Variants in DYNLRB1 observed in about 807,000 individuals in gnomAD.
The protein encoded by DYNLRB1 is ROBL/LC7-like 1.
In DYNLRB1, 6 loss-of-function variants were observed where a neutral mutation model predicts 13.5. The ratio of observed to expected loss-of-function variants is 0.44; its 90% CI spans 0.24 to 0.88. The LOEUF is 0.88. DYNLRB1 is among the 40% of genes least tolerant of loss of function. DYNLRB1 has a pLI of 0.21. For missense variants in DYNLRB1, 93 were observed against 127.2 expected (o/e 0.73, Z 1.29); for synonymous variants, 43 against 45.0 (o/e 0.96, Z 0.18).
At chr20:34,539,456 G>T (rs1025222183) in intron 3 of DYNLRB1, among the ~76,000 whole-genome samples, 1 of 152,146 alleles carries the variant, frequency 6.6e-6, no homozygotes, top group Non-Finnish European at 1.5e-5. Context: ...GAGACAGGAG[G>T]ATCACTCGAG....
intron 3 of DYNLRB1, chr20:34,535,475 C>T (rs1390937745): frequency 3.9e-6 from 3 of 778,546 alleles, no homozygotes; most frequent in Non-Finnish European, 4.7e-6. Context: ...AGGAGATGCT[C>T]ATTCTGGGAG....
intron 1 of DYNLRB1, among the ~76,000 whole-genome samples, chr20:34,517,755 A>G (rs2146609472): frequency 6.6e-6 from 1 of 151,206 alleles, no homozygotes; most frequent in East Asian, 2.0e-4. Flanking sequence ...CAGCCTCCCG[A>G]GTAGCTGGGA....
At chr20:34,535,549 G>A (rs966404860) in intron 3 of DYNLRB1, 13 of 838,998 alleles carry the variant, frequency 1.5e-5, no homozygotes, top group African/African-American at 5.5e-5. Context: ...CGGCTCCCTC[G>A]CTCTCACTCA....
At chr20:34,520,439 C>G (rs929512343) in intron 1 of DYNLRB1, among the ~76,000 whole-genome samples, 2 of 152,066 alleles carry the variant, frequency 1.3e-5, no homozygotes, top group Non-Finnish European at 2.9e-5. Context: ...GGGTTGCTCC[C>G]ATTTCTTTTT....
chr20:34,525,453 G>A (rs1419942402), intron 1 of DYNLRB1, among the ~76,000 whole-genome samples: 1 of 152,208 alleles, frequency 6.6e-6, no homozygotes, highest in Non-Finnish European at 1.5e-5. Flanking sequence ...GATTTGGGGA[G>A]TCACACGTAG....
chr20:34,526,279 G>A lies in DYNLRB1; in HGVS notation c.15G>A (p.Glu5=). MAEV[E]ETLKRLQSQK... is the part of the protein sequence containing the mutation. ...TTGTTTTCTGGCAGGCAGAGGTGGAGGAGACACTGAAGCGACTGCAGAGCC... is the reference window on the plus strand; with the variant it reads ...TTGTTTTCTGGCAGGCAGAGGTGGAAGAGACACTGAAGCGACTGCAGAGCC... Residue 5 remains glutamate, a synonymous_variant, in exon 2 of 4, where the codon GAG becomes GAA. Transcript: ENST00000357156. 5.6e-6 allele frequency: 9 copies of A among 1,614,198 alleles called. No individual in the cohort carries two copies. The highest frequency in any genetic ancestry group is 7.6e-6 in the Non-Finnish European group (9 of 1,180,038).
intron 1 of DYNLRB1, chr20:34,516,951 C>T: frequency 7.4e-7 from 1 of 1,355,752 alleles, no homozygotes; most frequent in African/African-American, 1.5e-5. Context: ...GTGCTTTGCC[C>T]CAGGAAATAG....
intron 2 of DYNLRB1, among the ~76,000 whole-genome samples, chr20:34,529,239 G>A (rs1013789011): frequency 2.6e-5 from 4 of 152,188 alleles, no homozygotes; most frequent in African/African-American, 7.2e-5. Flanking sequence ...GGCCATGCCC[G>A]GTTGCGGGGC....
At chr20:34,527,587 G>A (rs945930339) in intron 2 of DYNLRB1, among the ~76,000 whole-genome samples, 3 of 152,114 alleles carry the variant, frequency 2.0e-5, no homozygotes, top group Admixed American at 6.5e-5. Context: ...GAAATCACCC[G>A]GGGGTCCTGT....
intron 1 of DYNLRB1, among the ~76,000 whole-genome samples, chr20:34,517,431 GTAA>G (rs1979331817): frequency 6.6e-6 from 1 of 151,954 alleles, no homozygotes; most frequent in Non-Finnish European, 1.5e-5. Flanking sequence ...TTACAAACAT[GTAA>G]TAATGCTTCA....
intron 1 of DYNLRB1, among the ~76,000 whole-genome samples, 190 bp from the exon 2 acceptor site, chr20:34,526,078 G>A (rs1008926735): frequency 2.0e-5 from 3 of 152,204 alleles, no homozygotes; most frequent in East Asian, 1.9e-4. Context: ...GGGTGTGAGC[G>A]GATGCTCTGG....
chr20:34,531,608 C>T (rs1980718753), intron 2 of DYNLRB1, among the ~76,000 whole-genome samples: 1 of 152,174 alleles, frequency 6.6e-6, no homozygotes, highest in Non-Finnish European at 1.5e-5. Context: ...AATATCTTTC[C>T]AAACTAGTAA....
intron 1 of DYNLRB1, chr20:34,516,872 G>T (rs1223254535): frequency 1.3e-6 from 2 of 1,525,612 alleles, no homozygotes; most frequent in East Asian, 2.5e-5. Context: ...TCCCAGCTCT[G>T]TGAGGTAGAT....
At chr20:34,535,436 G>A in intron 3 of DYNLRB1, 1 of 875,042 alleles carries the variant, frequency 1.1e-6, no homozygotes, top group Non-Finnish European at 1.4e-6. Context: ...CAAGGCCTGT[G>A]TTTAGTCCTT....
chr20:34,523,108 A>C (rs953726975), intron 1 of DYNLRB1, among the ~76,000 whole-genome samples: 2 of 152,094 alleles, frequency 1.3e-5, no homozygotes, highest in African/African-American at 4.8e-5. Context: ...CTCGGTGCCC[A>C]GTAGAGGGGC....
At chr20:34,534,591 T>C (rs1980975689) in intron 2 of DYNLRB1, 37 bp from the exon 3 acceptor site, 1 of 1,524,714 alleles carries the variant, frequency 6.6e-7, no homozygotes, top group South Asian at 1.3e-5. Context: ...CAGAAGGGGC[T>C]CCACATCCTC....
rs1358858030 is a variant in DYNLRB1 at position 34,526,273 on chromosome 20, G to A, written c.9G>A (p.Glu3=). The A allele has an allele frequency of 1.2e-6, 2 of 1,614,156 alleles. No homozygotes were observed. The highest frequency in any genetic ancestry group is 3.3e-5 in the Admixed American group (2 of 60,020). Residue 3 remains glutamate, a synonymous_variant, in exon 2 of 4, where the codon GAG becomes GAA. Coordinates refer to ENST00000357156, the MANE Select transcript of DYNLRB1 (RefSeq NM_014183.4). Reference sequence around the variant, plus strand: ...TTGGTCTTGTTTTCTGGCAGGCAGAGGTGGAGGAGACACTGAAGCGACTGC... The same window carrying A: ...TTGGTCTTGTTTTCTGGCAGGCAGAAGTGGAGGAGACACTGAAGCGACTGC... The part of the protein sequence containing the change: MA[E]VEETLKRLQS...
Position 34,540,760 on chromosome 20 carries a change from G to A in DYNLRB1, c.*136G>A, listed in dbSNP as rs762308986. ...CCAATCCAGTGACCGTGTGTGGGCT[G>A]GCGGCTCTTCTCCCCCACCAACGGA... On this transcript the variant is annotated 3_prime_UTR_variant, in exon 4 of 4. Transcript: ENST00000357156. 15 of 872,824 alleles carry A rather than the reference G, an allele frequency of 1.7e-5. No individual in the cohort carries two copies. The highest frequency in any genetic ancestry group is 2.5e-5 in the Non-Finnish European group (14 of 568,874). The allele number at this position is 872,824 out of a possible 1,614,324, so 54.1% of individuals were successfully genotyped here. A position where few individuals can be genotyped will look rare whatever the true frequency, so the allele number is the denominator to read the frequency against.
chr20:34,520,100 G>T (rs1305735855), intron 1 of DYNLRB1, among the ~76,000 whole-genome samples: 1 of 152,224 alleles, frequency 6.6e-6, no homozygotes, highest in African/African-American at 2.4e-5. Context: ...GTGCACTCCA[G>T]CCTGGGCAAC....
Sources: gnomAD v4.1 joint callset for allele counts (sites outside exome capture counted in the v4.1 genomes callset) on GRCh38, gnomAD v4.1.1 for gene constraint, MANE v1.5 for transcripts, NCBI Gene and HGNC (gene_info 2026-07-23, HGNC 2026-07-21) for gene names.